The following RPS6KC1 variants were observed in gnomAD, a reference collection of about 807,000 sequenced individuals.
RPS6KC1 encodes ribosomal protein S6 kinase C1, also known as inactive ribosomal protein S6 kinase delta-1.
Under a neutral mutation model 103.8 loss-of-function variants are expected in RPS6KC1, and 54 were observed. That is an observed-to-expected ratio of 0.52 (90% CI 0.42 to 0.65). The LOEUF is 0.65. Among genes scored for constraint, RPS6KC1 ranks in the 30% least tolerant of loss-of-function variants. The pLI, the probability that RPS6KC1 is intolerant of heterozygous loss-of-function variation, is 0.00. For missense variants in RPS6KC1, 1,151 were observed against 1,253.8 expected (o/e 0.92, Z 1.24); for synonymous variants, 439 against 438.7 (o/e 1.00, Z -0.01).
chr1:213,126,290 T>C (rs928339437), intron 5 of RPS6KC1, among the ~76,000 whole-genome samples: 4 of 152,168 alleles, frequency 2.6e-5, no homozygotes, highest in Admixed American at 1.3e-4. Flanking sequence ...TATGAAGTAC[T>C]GTTACTGTCC....
chr1:213,417,593 T>G, the RPS6KC1 span, among the ~76,000 whole-genome samples: 1 of 145,068 alleles, frequency 6.9e-6, no homozygotes, highest in African/African-American at 2.6e-5. Context: ...GGAAGGGAGG[T>G]GGTGGGAACT....
the RPS6KC1 span, among the ~76,000 whole-genome samples, chr1:213,471,257 T>C: frequency 6.6e-6 from 1 of 152,208 alleles, no homozygotes. Flanking sequence ...TCCAGGCTCA[T>C]CTTGTGTATT....
chr1:213,384,192 C>T, the RPS6KC1 span, among the ~76,000 whole-genome samples: 16 of 151,932 alleles, frequency 1.1e-4, no homozygotes, highest in East Asian at 1.9e-4. Flanking sequence ...AGGAGAATGG[C>T]GTGAACCCAG....
At chr1:213,460,726 C>T in the RPS6KC1 span, among the ~76,000 whole-genome samples, 13 of 152,096 alleles carry the variant, frequency 8.5e-5, no homozygotes, top group East Asian at 7.7e-4. Flanking sequence ...TGGCTGGTAC[C>T]GGTTTTTCCT....
chr1:213,409,791 A>G, the RPS6KC1 span, among the ~76,000 whole-genome samples: 1 of 152,218 alleles, frequency 6.6e-6, no homozygotes, highest in Non-Finnish European at 1.5e-5. Flanking sequence ...AGTTGAATTT[A>G]TATAGGGTCC....
the RPS6KC1 span, among the ~76,000 whole-genome samples, chr1:213,461,427 C>T: frequency 1.7e-3 from 251 of 152,106 alleles, 2 homozygotes; most frequent in African/African-American, 5.4e-3. Flanking sequence ...AGTTAGAAAA[C>T]GGTACTTTAA....
the RPS6KC1 span, among the ~76,000 whole-genome samples, chr1:213,479,351 G>A: frequency 2.0e-5 from 3 of 152,130 alleles, no homozygotes; most frequent in Middle Eastern, 3.4e-3. Context: ...AGTGGTGTGT[G>A]AAATTTCTAT....
At chr1:213,645,872 C>T in the RPS6KC1 span, among the ~76,000 whole-genome samples, 1 of 152,176 alleles carries the variant, frequency 6.6e-6, no homozygotes, top group African/African-American at 2.4e-5. Flanking sequence ...TGGTTCACAC[C>T]TCCCATGATC....
the RPS6KC1 span, among the ~76,000 whole-genome samples, chr1:213,361,010 C>T: frequency 2.3e-4 from 35 of 152,334 alleles, no homozygotes; most frequent in African/African-American, 7.9e-4. Context: ...GGGTCAGGGA[C>T]CCACTTGAGG....
the RPS6KC1 span, among the ~76,000 whole-genome samples, chr1:213,695,975 C>T: frequency 6.6e-6 from 1 of 152,120 alleles, no homozygotes; most frequent in Non-Finnish European, 1.5e-5. Context: ...CTTACTTTAG[C>T]CTTAAAGTTG....
At chr1:213,554,302 A>G in the RPS6KC1 span, among the ~76,000 whole-genome samples, 1 of 151,782 alleles carries the variant, frequency 6.6e-6, no homozygotes, top group East Asian at 1.9e-4. Context: ...CATGCTTGTT[A>G]TTGTCTTGTT....
the RPS6KC1 span, among the ~76,000 whole-genome samples, chr1:213,490,650 G>A: frequency 2.0e-5 from 3 of 152,192 alleles, no homozygotes; most frequent in Non-Finnish European, 2.9e-5. Context: ...GGACAAAGCC[G>A]CACTTTGCCT....
chr1:213,663,803 C>T, the RPS6KC1 span, among the ~76,000 whole-genome samples: 3 of 152,152 alleles, frequency 2.0e-5, no homozygotes, highest in Admixed American at 2.0e-4. Context: ...TTGCCAGCCA[C>T]CAGACAGAAG....
chr1:213,353,262 C>T, the RPS6KC1 span, among the ~76,000 whole-genome samples: 1 of 152,236 alleles, frequency 6.6e-6, no homozygotes, highest in East Asian at 1.9e-4. Context: ...GTATGCTTCT[C>T]CAAGAATGCC....
the RPS6KC1 span, among the ~76,000 whole-genome samples, chr1:213,352,152 G>A: frequency 1.3e-5 from 2 of 151,816 alleles, no homozygotes; most frequent in East Asian, 1.9e-4. Flanking sequence ...CCTTTATTCC[G>A]TTATTTATTT....
the RPS6KC1 span, among the ~76,000 whole-genome samples, chr1:213,420,553 A>G: frequency 6.6e-6 from 1 of 152,132 alleles, no homozygotes; most frequent in Admixed American, 6.5e-5. Flanking sequence ...GGTGGAGGGT[A>G]GTGAGGAGTG....
the RPS6KC1 span, among the ~76,000 whole-genome samples, chr1:213,769,762 T>G: frequency 6.6e-6 from 1 of 152,202 alleles, no homozygotes; most frequent in East Asian, 1.9e-4. Flanking sequence ...TGCACAATTC[T>G]GAGTGGAATA....
chr1:213,328,581 A>G, the RPS6KC1 span, among the ~76,000 whole-genome samples: 18 of 148,076 alleles, frequency 1.2e-4, no homozygotes, highest in Admixed American at 3.4e-4. Flanking sequence ...ATATTTCTGT[A>G]TAGTCCTTTA....
At chr1:213,704,760 C>T in the RPS6KC1 span, among the ~76,000 whole-genome samples, 1 of 152,190 alleles carries the variant, frequency 6.6e-6, no homozygotes, top group Admixed American at 6.5e-5. Context: ...TGTACCAATC[C>T]TTCTTGGGAA....
Sources: allele counts gnomAD v4.1 joint callset (sites outside exome capture counted in the v4.1 genomes callset), GRCh38; gene constraint gnomAD v4.1.1; transcripts MANE v1.5; gene names NCBI Gene and HGNC (gene_info 2026-07-23, HGNC 2026-07-21).